The following BBX variants were observed in gnomAD, a reference collection of about 807,000 sequenced individuals.
The protein encoded by BBX is HMG box transcription factor BBX.
In BBX, 30 loss-of-function variants were observed where a neutral mutation model predicts 100.2. The ratio of observed to expected loss-of-function variants is 0.30; its 90% CI spans 0.22 to 0.41. The LOEUF (loss-of-function observed/expected upper bound fraction) is 0.41. Ranked by LOEUF, BBX falls within the 10% of genes least tolerant of loss-of-function variation. BBX has a pLI of 1.00. For missense variants in BBX, 1,023 were observed against 1,129.8 expected (o/e 0.91, Z 1.35); for synonymous variants, 376 against 388.1 (o/e 0.97, Z 0.37).
chr3:107,804,621 A>T (rs528095355), intron 17 of BBX, among the ~76,000 whole-genome samples: 1 of 152,204 alleles, frequency 6.6e-6, no homozygotes, highest in Non-Finnish European at 1.5e-5. Flanking sequence ...CATAGGTTCT[A>T]TCCAAATGAT....
chr3:107,788,611 A>C (rs1307705650), intron 13 of BBX, among the ~76,000 whole-genome samples: 2 of 151,944 alleles, frequency 1.3e-5, no homozygotes, highest in African/African-American at 2.4e-5. Context: ...TTTACAAAAA[A>C]AAAAATACAA....
chr3:107,619,320 T>C (rs1444773411), intron 2 of BBX, among the ~76,000 whole-genome samples: 3 of 152,148 alleles, frequency 2.0e-5, no homozygotes, highest in African/African-American at 7.2e-5. Context: ...GATCATTTTT[T>C]TAACCACTGC....
At chr3:107,716,925 A>G (rs2062148175) in intron 5 of BBX, 76 bp downstream of exon 5, 1 of 1,540,456 alleles carries the variant, frequency 6.5e-7, no homozygotes. Flanking sequence ...AATATGAAGC[A>G]CCTGTTGAAG....
At chr3:107,585,541 A>G (rs932362333) in intron 2 of BBX, among the ~76,000 whole-genome samples, 2 of 152,260 alleles carry the variant, frequency 1.3e-5, no homozygotes, top group South Asian at 2.1e-4. Context: ...TATAATTCCA[A>G]TGCTCCTAAG....
rs142360655 is a variant in BBX, at chr3:107,754,239, G to A, written c.826-1359G>A. On this transcript the variant is annotated intron_variant, in intron 9 of 17. Transcript: ENST00000325805. ...TCCTTCATTCCCTGAAGCACTGAGA[G>A]CCGGTGGTATTAATGTGTTTGTTTT... 2.2e-3 allele frequency among the ~76,000 whole-genome samples: 337 copies of A among 152,296 alleles called. 3 individuals are homozygous for A. The highest frequency in any genetic ancestry group is 6.6e-3 in the African/African-American group (274 of 41,562).
chr3:107,616,275 T>G (rs2055273290), intron 2 of BBX, among the ~76,000 whole-genome samples: 1 of 151,924 alleles, frequency 6.6e-6, no homozygotes, highest in African/African-American at 2.4e-5. Context: ...TCAAATGGTA[T>G]AATGCAAATA....
At chr3:107,755,481 G>A in intron 9 of BBX, 117 bp from the exon 10 acceptor site, 1 of 813,162 alleles carries the variant, frequency 1.2e-6, no homozygotes, top group Non-Finnish European at 2.1e-6. Context: ...TTGTTACTTG[G>A]TACATGGGAG....
chr3:107,719,674 A>G (rs989962183), intron 5 of BBX, among the ~76,000 whole-genome samples: 2 of 152,058 alleles, frequency 1.3e-5, no homozygotes, highest in Admixed American at 6.6e-5. Flanking sequence ...TAAGAATACA[A>G]CCTGGGTTGC....
At chr3:107,594,237 A>G (rs2107600439) in intron 2 of BBX, among the ~76,000 whole-genome samples, 1 of 152,148 alleles carries the variant, frequency 6.6e-6, no homozygotes, top group South Asian at 2.1e-4. Context: ...CTAGTAGCTG[A>G]TATTTTTTCA....
chr3:107,608,398 T>C (rs2054600240), intron 2 of BBX, among the ~76,000 whole-genome samples: 1 of 152,168 alleles, frequency 6.6e-6, no homozygotes, highest in Non-Finnish European at 1.5e-5. Flanking sequence ...GATTTGTTTC[T>C]GGGTTCTCTA....
chr3:107,645,109 G>C (rs1426917590), intron 2 of BBX, among the ~76,000 whole-genome samples: 1 of 152,124 alleles, frequency 6.6e-6, no homozygotes, highest in Non-Finnish European at 1.5e-5. Flanking sequence ...TGTGGATTTA[G>C]TTTCACCACT....
chr3:107,794,331 T>A (rs929770946), intron 15 of BBX, among the ~76,000 whole-genome samples: 40 of 152,128 alleles, frequency 2.6e-4, no homozygotes, highest in Admixed American at 7.9e-4. Context: ...AGAAACCATA[T>A]CTCCATTTAA....
At chr3:107,594,440 G>A (rs2053543131) in intron 2 of BBX, among the ~76,000 whole-genome samples, 1 of 152,170 alleles carries the variant, frequency 6.6e-6, no homozygotes, top group Admixed American at 6.6e-5. Flanking sequence ...TAGCCTAACT[G>A]TAGACAAGGT....
intron 3 of BBX, among the ~76,000 whole-genome samples, chr3:107,696,251 G>C (rs752813382): frequency 6.6e-6 from 1 of 151,772 alleles, no homozygotes; most frequent in East Asian, 1.9e-4. Flanking sequence ...GATGTTAGCT[G>C]GTTATTTTGC....
Position 107,760,717 on chromosome 3 carries a change from CT to C in BBX, c.906+5040del, listed in dbSNP as rs557131585. ...TGGAGACCAAGCACAGGGGAAAAAA[CT>C]GATGATGGTTTTCAATCAAGGAGTT... is the stretch of plus-strand genomic sequence containing the variant. On this transcript the variant is annotated intron_variant, in intron 10 of 17. Coordinates refer to ENST00000325805, the MANE Select transcript of BBX (RefSeq NM_001142568.3). Among the ~76,000 whole-genome samples, 31 of 152,266 alleles carry C rather than the reference CT, an allele frequency of 2.0e-4. 1 individual carries two copies. In the South Asian group the frequency reaches 4.1e-3, roughly 20 times the overall value.
chr3:107,638,776 A>AGG (rs2057004883), intron 2 of BBX, among the ~76,000 whole-genome samples: 1 of 62,644 alleles, frequency 1.6e-5, no homozygotes, highest in African/African-American at 4.7e-5. Flanking sequence ...AAAAAAAAAA[A>AGG]GTATACACAC....
At chr3:107,775,618 A>G (rs1052406440) in intron 12 of BBX, among the ~76,000 whole-genome samples, 4 of 152,168 alleles carry the variant, frequency 2.6e-5, no homozygotes, top group Admixed American at 1.3e-4. Flanking sequence ...AGAAATAAGT[A>G]CATTGTTATA....
intron 3 of BBX, among the ~76,000 whole-genome samples, chr3:107,690,334 T>C (rs2108065531): frequency 6.6e-6 from 1 of 152,290 alleles, no homozygotes; most frequent in Non-Finnish European, 1.5e-5. Context: ...AAGCATTCTC[T>C]CCCTCTTGTT....
At chr3:107,574,640 T>C (rs960843341) in intron 2 of BBX, among the ~76,000 whole-genome samples, 1 of 152,190 alleles carries the variant, frequency 6.6e-6, no homozygotes, top group Non-Finnish European at 1.5e-5. Flanking sequence ...GGAGCAATAT[T>C]GTAAAATCCA....
Sources: allele counts gnomAD v4.1 joint callset (sites outside exome capture counted in the v4.1 genomes callset), GRCh38; gene constraint gnomAD v4.1.1; transcripts MANE v1.5; gene names NCBI Gene and HGNC (gene_info 2026-07-23, HGNC 2026-07-21).